DOCK1: variants seen among roughly 807,000 people sequenced by gnomAD.
DOCK1 encodes dedicator of cytokinesis 1, also known as dedicator of cytokinesis protein 1.
A neutral mutation model predicts 262.7 loss-of-function variants in DOCK1; 138 were observed. The observed-to-expected ratio is 0.53, with a 90% CI of 0.46 to 0.61. DOCK1 has a LOEUF of 0.61. Among genes scored for constraint, DOCK1 ranks in the 20% least tolerant of loss-of-function variants. The probability of loss-of-function intolerance (pLI) is 0.00; values close to 1 mark genes in which losing one functional copy is unlikely to be tolerated. For missense variants in DOCK1, 1,908 were observed against 2,370.7 expected, an observed-to-expected ratio of 0.80 and a Z score of 4.05; for synonymous variants, 866 against 867.4, an observed-to-expected ratio of 1.00 and a Z score of 0.03.
chr10:127,451,702 T>A lies in DOCK1; in HGVS notation c.*275T>A. The A allele has an allele frequency of 1.8e-6, 1 of 554,152 alleles. No homozygotes were observed. The highest frequency in any genetic ancestry group is 2.4e-5 in the South Asian group (1 of 41,632). 34.3% of individuals were successfully genotyped at this position (554,152 alleles called of 1,614,324 possible). A position where few individuals can be genotyped will look rare whatever the true frequency, so the allele number is the denominator to read the frequency against. On this transcript the variant is annotated 3_prime_UTR_variant, in exon 52 of 52. Coordinates refer to ENST00000623213, the MANE Select transcript of DOCK1 (RefSeq NM_001290223.2). ...CTGAGTGTGTCTGGCTCTGAGAGAG[T>A]CTGAGTCTTGCCCAAACATTCTTTC... is the stretch of plus-strand genomic sequence containing the variant.
At chr10:126,927,432 G>T (rs918363216) in intron 1 of DOCK1, among the ~76,000 whole-genome samples, 1 of 151,984 alleles carries the variant, frequency 6.6e-6, no homozygotes, top group Non-Finnish European at 1.5e-5. Context: ...ATGTCCGTGA[G>T]TTACTGTCTC....
chr10:127,032,696 G>T, intron 18 of DOCK1, among the ~76,000 whole-genome samples: 2 of 152,220 alleles, frequency 1.3e-5, no homozygotes, highest in South Asian at 4.2e-4. Context: ...TGGGACCACA[G>T]GTGTGCAGCA....
rs9418734 is a variant in DOCK1, at chr10:126,988,024, G to A, written c.324+407G>A. On this transcript the variant is annotated intron_variant, in intron 5 of 51. Coordinates refer to ENST00000623213, the MANE Select transcript of DOCK1 (RefSeq NM_001290223.2). ...TACTATTTTTTTTTTTTTTTTTGCC[G>A]TTGTCTGACAGTAGGTAATACCTCT... 97 of 144,670 alleles carry A rather than the reference G, an allele frequency of 6.7e-4. No individual in the cohort carries two copies. The East Asian group carries it at 0.018, about 27-fold the overall frequency. 9.0% of individuals were successfully genotyped at this position (144,670 alleles called of 1,614,324 possible). A position where few individuals can be genotyped will look rare whatever the true frequency, so the allele number is the denominator to read the frequency against.
chr10:126,915,607 C>T (rs1472576521), intron 1 of DOCK1, among the ~76,000 whole-genome samples: 3 of 152,142 alleles, frequency 2.0e-5, no homozygotes, highest in African/African-American at 7.2e-5. Flanking sequence ...TTAGTAGTAA[C>T]ACGGGGTTTA....
chr10:127,212,971 G>A (rs1229207887), intron 27 of DOCK1, among the ~76,000 whole-genome samples: 1 of 152,154 alleles, frequency 6.6e-6, no homozygotes, highest in East Asian at 1.9e-4. Context: ...AATGAGTGAA[G>A]ATAATACAAT....
In DOCK1 at chr10:127,437,912, C is replaced by G. The variant is rs2069807275; in HGVS notation, c.5061-1115C>G. Among the ~76,000 whole-genome samples the G allele has an allele frequency of 6.6e-6, 1 of 152,192 alleles. No homozygotes were observed. Among genetic ancestry groups the G allele is most frequent in the Non-Finnish European group, 1.5e-5 (1 of 68,038 alleles). Reference sequence around the variant, plus strand: ...TTATCTTCTCTTGAAATCATGCTCCCCTTGAAGAAGCCAATTGCTTCTCCA... The same window carrying G: ...TTATCTTCTCTTGAAATCATGCTCCGCTTGAAGAAGCCAATTGCTTCTCCA... On this transcript the variant is annotated intron_variant, in intron 48 of 51. Transcript: ENST00000623213. The surrounding 1 kb of genome is among the most constrained non-coding windows in gnomAD (Gnocchi z 4.4).
At chr10:127,224,579 G>A (rs552419903) in intron 27 of DOCK1, among the ~76,000 whole-genome samples, 13 of 151,570 alleles carry the variant, frequency 8.6e-5, no homozygotes, top group Non-Finnish European at 1.3e-4. Context: ...AAAAAAATTG[G>A]TGTGGTAGTG....
intron 1 of DOCK1, among the ~76,000 whole-genome samples, chr10:126,950,080 G>C (rs1242915103): frequency 1.3e-5 from 2 of 151,790 alleles, no homozygotes; most frequent in Non-Finnish European, 2.9e-5. Context: ...TTTGTGAAAT[G>C]GGAATGAGTA....
At chr10:127,177,499 C>T (rs545190210) in intron 27 of DOCK1, among the ~76,000 whole-genome samples, 181 of 152,196 alleles carry the variant, frequency 1.2e-3, no homozygotes, top group Non-Finnish European at 2.4e-3. Flanking sequence ...TCGCCTTTTC[C>T]CCCCTTGTGT....
chr10:127,052,611 T>A, intron 21 of DOCK1, 70 bp from the exon 22 acceptor site: 1 of 1,606,784 alleles, frequency 6.2e-7, no homozygotes, highest in South Asian at 1.1e-5. Flanking sequence ...CTTGTATATT[T>A]CCTTAGCAGT....
In DOCK1 at chr10:127,162,615, C is replaced by A. The variant is rs566354098; in HGVS notation, c.2847+34851C>A. Among the ~76,000 whole-genome samples the A allele has an allele frequency of 4.6e-4, 70 of 152,318 alleles. No individual in the cohort carries two copies. In the South Asian group the frequency reaches 0.014, roughly 30 times the overall value. On this transcript the variant is annotated intron_variant, in intron 27 of 51. Coordinates refer to ENST00000623213, the MANE Select transcript of DOCK1 (RefSeq NM_001290223.2). ...CTAAAGCCAGGAATCGAGATTTAAACCCTGGAAGGATCACCTGTACATGTA... is the reference window on the plus strand; with the variant it reads ...CTAAAGCCAGGAATCGAGATTTAAAACCTGGAAGGATCACCTGTACATGTA...
At chr10:127,246,877 GA>G (rs1489955982) in intron 27 of DOCK1, among the ~76,000 whole-genome samples, 1 of 152,108 alleles carries the variant, frequency 6.6e-6, no homozygotes, top group African/African-American at 2.4e-5. Context: ...ATTTAATAGA[GA>G]AAAAATAGGG....
At chr10:127,112,561 C>A (rs761336727) in intron 25 of DOCK1, among the ~76,000 whole-genome samples, 1 of 152,132 alleles carries the variant, frequency 6.6e-6, no homozygotes, top group African/African-American at 2.4e-5. Context: ...TATGGAATTA[C>A]CAGGTCATGT....
At chr10:127,141,234 G>A (rs967127720) in intron 27 of DOCK1, among the ~76,000 whole-genome samples, 10 of 152,098 alleles carry the variant, frequency 6.6e-5, no homozygotes, top group African/African-American at 1.7e-4. Context: ...ATAATTATTC[G>A]TTCCCATATT....
intron 38 of DOCK1, among the ~76,000 whole-genome samples, chr10:127,398,495 G>T (rs754999852): frequency 6.6e-6 from 1 of 152,212 alleles, no homozygotes; most frequent in Non-Finnish European, 1.5e-5. Context: ...CCTGGCTCCT[G>T]TGCTGCTGAG....
chr10:126,984,451 AT>A (rs1464850748), intron 4 of DOCK1, among the ~76,000 whole-genome samples: 2 of 151,820 alleles, frequency 1.3e-5, no homozygotes, highest in Non-Finnish European at 2.9e-5. Flanking sequence ...GGTTCAAGTG[AT>A]TCTCCTGCCT....
chr10:127,022,517 C>T (rs924294281), intron 13 of DOCK1, among the ~76,000 whole-genome samples: 5 of 151,814 alleles, frequency 3.3e-5, no homozygotes, highest in Non-Finnish European at 7.4e-5. Flanking sequence ...TTCTGCCTCC[C>T]GAGTAGCTGG....
chr10:126,918,983 G>GGTGCAGATGGGCAC (rs1554955675), intron 1 of DOCK1, among the ~76,000 whole-genome samples: 5 of 151,986 alleles, frequency 3.3e-5, no homozygotes, highest in East Asian at 3.9e-4. Context: ...AGAAAGCCGA[G>GGTGCAGATGGGCAC]AGGGAGTGTG....
intron 25 of DOCK1, among the ~76,000 whole-genome samples, chr10:127,111,005 G>A (rs1490499212): frequency 1.3e-5 from 2 of 152,206 alleles, no homozygotes; most frequent in African/African-American, 4.8e-5. Flanking sequence ...AGTCTGTTGA[G>A]TGACATTCTG....
Sources: gnomAD v4.1 joint callset for allele counts (sites outside exome capture counted in the v4.1 genomes callset) on GRCh38, gnomAD v4.1.1 for gene constraint, Gnocchi (gnomAD v3.1) non-coding constraint, MANE v1.5 for transcripts, NCBI Gene and HGNC (gene_info 2026-07-23, HGNC 2026-07-21) for gene names.